The following ITFG1 variants were observed in gnomAD, a reference collection of about 807,000 sequenced individuals.
ITFG1 encodes T-cell immunomodulatory protein.
ITFG1 carries 34 observed loss-of-function variants against 81.8 expected under a neutral mutation model. The ratio of observed to expected loss-of-function variants is 0.42; its 90% CI spans 0.32 to 0.55. The LOEUF is 0.55. Ranked by LOEUF, ITFG1 falls within the 20% of genes least tolerant of loss-of-function variation. The pLI, the probability that ITFG1 is intolerant of heterozygous loss-of-function variation, is 0.17. For missense variants in ITFG1, 672 were observed against 755.4 expected (o/e 0.89, Z 1.29); for synonymous variants, 285 against 270.6 (o/e 1.05, Z -0.52).
intron 10 of ITFG1, among the ~76,000 whole-genome samples, chr16:47,290,908 T>C (rs1031225958): frequency 6.6e-6 from 1 of 152,230 alleles, no homozygotes; most frequent in African/African-American, 2.4e-5. Context: ...TGTTTATTAA[T>C]GTGGTTTCAC....
At chr16:47,203,833 A>G (rs1173072905) in intron 14 of ITFG1, among the ~76,000 whole-genome samples, 1 of 152,160 alleles carries the variant, frequency 6.6e-6, no homozygotes, top group East Asian at 1.9e-4. Flanking sequence ...ACTCAGATTC[A>G]TAGAGACTGA....
intron 14 of ITFG1, among the ~76,000 whole-genome samples, chr16:47,186,574 A>T (rs1965220714): frequency 6.6e-6 from 1 of 152,234 alleles, no homozygotes; most frequent in African/African-American, 2.4e-5. Flanking sequence ...TTCATGCTAA[A>T]AACTCTCAAC....
chr16:47,221,999 C>T (rs1051944783), intron 13 of ITFG1, among the ~76,000 whole-genome samples: 19 of 151,980 alleles, frequency 1.3e-4, no homozygotes, highest in Admixed American at 2.6e-4. Flanking sequence ...GTCTTGCTAG[C>T]GGTCTATCAA....
At chr16:47,388,030 A>C (rs2151594749) in intron 6 of ITFG1, among the ~76,000 whole-genome samples, 1 of 152,304 alleles carries the variant, frequency 6.6e-6, no homozygotes, top group South Asian at 2.1e-4. Flanking sequence ...AACCAAATGG[A>C]AATTATGGAA....
chr16:47,375,125 A>C (rs1011144461), intron 7 of ITFG1, among the ~76,000 whole-genome samples: 16 of 152,158 alleles, frequency 1.1e-4, no homozygotes, highest in African/African-American at 3.1e-4. Flanking sequence ...ATGTTACACA[A>C]ACTGTTTCAT....
At chr16:47,186,694 C>G (rs1028800654) in intron 14 of ITFG1, among the ~76,000 whole-genome samples, 2 of 152,176 alleles carry the variant, frequency 1.3e-5, no homozygotes, top group African/African-American at 4.8e-5. Flanking sequence ...CCTTTGAAAA[C>G]AGGCACAAGA....
At chr16:47,423,251 A>ATTTT (rs748793229) in intron 6 of ITFG1, among the ~76,000 whole-genome samples, 1 of 118,304 alleles carries the variant, frequency 8.5e-6, no homozygotes, top group East Asian at 2.5e-4. Context: ...GCAATCCCTG[A>ATTTT]TTTTTTTTTT....
chr16:47,452,704 C>G (rs1353734500), intron 4 of ITFG1, 29 bp downstream of exon 4: 2 of 1,466,144 alleles, frequency 1.4e-6, no homozygotes, highest in Non-Finnish European at 1.9e-6. Flanking sequence ...AGTTTAAAAT[C>G]GTTTCAAAGG....
At chr16:47,216,172 T>A (rs1044377754) in intron 14 of ITFG1, among the ~76,000 whole-genome samples, 2 of 152,142 alleles carry the variant, frequency 1.3e-5, no homozygotes, top group African/African-American at 4.8e-5. Context: ...ATAAGTTTGG[T>A]GAAAATTTTG....
chr16:47,417,065 T>G (rs1968884314), intron 6 of ITFG1, among the ~76,000 whole-genome samples: 1 of 152,226 alleles, frequency 6.6e-6, no homozygotes, highest in African/African-American at 2.4e-5. Context: ...CTACTCCCAG[T>G]AAACTAAATT....
At chr16:47,365,950 CT>C in intron 7 of ITFG1, 81 bp from the exon 8 acceptor site, 1 of 727,102 alleles carries the variant, frequency 1.4e-6, no homozygotes, top group Non-Finnish European at 2.4e-6. Context: ...TCTAACTGAA[CT>C]GGGGAAATAA....
intron 5 of ITFG1, among the ~76,000 whole-genome samples, chr16:47,434,066 G>T (rs976630005): frequency 2.0e-5 from 3 of 150,580 alleles, no homozygotes; most frequent in Non-Finnish European, 4.4e-5. Context: ...ACTCAAGATG[G>T]ATTAAAGACT....
chr16:47,345,303 G>T (rs11859199), intron 8 of ITFG1, among the ~76,000 whole-genome samples: 47,399 of 144,032 alleles, frequency 0.33, 7,777 homozygotes, highest in Non-Finnish European at 0.38. Context: ...TTTTTTTTTT[G>T]TTTGTTTGTT....
chr16:47,197,179 A>T (rs28840689), intron 14 of ITFG1, among the ~76,000 whole-genome samples: 18,126 of 152,222 alleles, frequency 0.12, 2,349 homozygotes, highest in African/African-American at 0.33. Flanking sequence ...ACAATCTCCA[A>T]TTATGCAGCT....
chr16:47,373,567 C>T (rs1328662703), intron 7 of ITFG1, among the ~76,000 whole-genome samples: 1 of 152,186 alleles, frequency 6.6e-6, no homozygotes, highest in Non-Finnish European at 1.5e-5. Flanking sequence ...AGGTGTGAGC[C>T]ACCACACCTG....
Position 47,291,448 on chromosome 16 carries a change from G to A in ITFG1, c.1070+19792C>T, listed in dbSNP as rs1372484016. Among the ~76,000 whole-genome samples, 3 of 151,956 alleles carry A rather than the reference G, an allele frequency of 2.0e-5. No homozygotes were observed. The East Asian group carries it at 5.8e-4, about 29-fold the overall frequency. The stretch of plus-strand genomic sequence containing the variant: ...CCATTTGCAGTTGATTCTCTTTGGA[G>A]ACCTTTGAGATTCCTGAATTGAAAC... On this transcript the variant is annotated intron_variant, in intron 10 of 17. Transcript: ENST00000320640.
chr16:47,395,256 T>C (rs1968579707), intron 6 of ITFG1, among the ~76,000 whole-genome samples: 2 of 152,294 alleles, frequency 1.3e-5, no homozygotes, highest in South Asian at 2.1e-4. Flanking sequence ...ATATATTCAT[T>C]ATATTGTATA....
intron 5 of ITFG1, among the ~76,000 whole-genome samples, chr16:47,442,886 C>T (rs1567502292): frequency 1.3e-5 from 2 of 152,092 alleles, no homozygotes; most frequent in Non-Finnish European, 2.9e-5. Flanking sequence ...GCAACAAAAG[C>T]CAAAATTGAT....
At chr16:47,166,070 C>T (rs1964886046) in intron 14 of ITFG1, among the ~76,000 whole-genome samples, 1 of 152,176 alleles carries the variant, frequency 6.6e-6, no homozygotes, top group African/African-American at 2.4e-5. Flanking sequence ...TCAGGCACAG[C>T]TGACCAGCAT....
Sources: allele counts gnomAD v4.1 joint callset (sites outside exome capture counted in the v4.1 genomes callset), GRCh38; gene constraint gnomAD v4.1.1; transcripts MANE v1.5; gene names NCBI Gene and HGNC (gene_info 2026-07-23, HGNC 2026-07-21).